SLC6A20: variants seen among roughly 807,000 people sequenced by gnomAD.
SLC6A20 encodes the protein sodium- and chloride-dependent transporter XTRP3.
Under a neutral mutation model 64.3 loss-of-function variants are expected in SLC6A20, and 73 were observed. The observed-to-expected ratio is 1.14, with a 90% confidence interval of 0.94 to 1.38. The LOEUF is 1.38. SLC6A20 is among the 40% of genes most tolerant of loss of function. The probability of loss-of-function intolerance (pLI) is 0.00; values close to 1 mark genes in which losing one functional copy is unlikely to be tolerated. For synonymous variants in SLC6A20, 347 were observed against 329.6 expected, an observed-to-expected ratio of 1.05 and a Z score of -0.57; for missense variants, 725 against 772.8, an observed-to-expected ratio of 0.94 and a Z score of 0.73.
In SLC6A20 at chr3:45,772,491, G is replaced by A. The variant is rs376754527; in HGVS notation, c.693+14C>T. On this transcript the variant is annotated intron_variant, in intron 5 of 10. Transcript: ENST00000358525. ...TGAGGGGTGCCCGTAGGGCCCTTCC[G>A]CTTCAGCCCGTACCTTGGGAGTGAA... The A allele has an allele frequency of 1.7e-4, 272 of 1,604,612 alleles. No individual in the cohort carries two copies. The highest frequency in any genetic ancestry group is 1.1e-4 in the Non-Finnish European group (129 of 1,175,668).
chr3:45,789,028 A>G (rs1259153410), intron 1 of SLC6A20, among the ~76,000 whole-genome samples: 1 of 152,232 alleles, frequency 6.6e-6, no homozygotes, highest in Non-Finnish European at 1.5e-5. Flanking sequence ...GAGTAAAATA[A>G]TCATCATAAT....
At chr3:45,768,544 G>A (rs1045633627) in intron 7 of SLC6A20, among the ~76,000 whole-genome samples, 2 of 152,350 alleles carry the variant, frequency 1.3e-5, no homozygotes, top group Middle Eastern at 3.4e-3. Flanking sequence ...GCTGGGGTTT[G>A]TGGGCTGGGG....
intron 1 of SLC6A20, among the ~76,000 whole-genome samples, chr3:45,787,789 T>A (rs1167320435): frequency 1.3e-5 from 2 of 152,222 alleles, no homozygotes; most frequent in Non-Finnish European, 2.9e-5. Flanking sequence ...TGGCTCATAG[T>A]TGATCTCTAG....
chr3:45,795,026 C>A (rs1003017711), intron 1 of SLC6A20, among the ~76,000 whole-genome samples: 1 of 152,140 alleles, frequency 6.6e-6, no homozygotes, highest in African/African-American at 2.4e-5. Flanking sequence ...AGCTCTTGGT[C>A]TTCTCAAATG....
chr3:45,779,593 G>C (rs1700033974), intron 3 of SLC6A20, among the ~76,000 whole-genome samples: 1 of 152,196 alleles, frequency 6.6e-6, no homozygotes, highest in African/African-American at 2.4e-5. Flanking sequence ...GGGAGAAGGG[G>C]ACGGGGAGGA....
intron 9 of SLC6A20, among the ~76,000 whole-genome samples, chr3:45,760,403 C>T (rs1211168563): frequency 5.3e-5 from 8 of 152,332 alleles, no homozygotes; most frequent in East Asian, 1.9e-4. Context: ...ACTTCTTGGG[C>T]GGCTTTGCCC....
In SLC6A20 at chr3:45,770,206, T is replaced by TA. The variant is rs1699836592; in HGVS notation, c.1098+2dup. 14 of 1,614,072 alleles carry TA rather than the reference T, an allele frequency of 8.7e-6. No individual in the cohort carries two copies. Among genetic ancestry groups the TA allele is most frequent in the Admixed American group, 1.7e-5 (1 of 60,014 alleles). On this transcript the variant is annotated splice_region_variant and intron_variant, in intron 7 of 10. Coordinates refer to ENST00000358525, the MANE Select transcript of SLC6A20 (RefSeq NM_020208.4). ...AGTCCTTGACCTTGCCTGGGCATCT[T>TA]ACCGTGTCTAGCTCCGATTCCAAGC...
Position 45,758,743 on chromosome 3 carries a change from C to G in SLC6A20, c.*235G>C. The G allele has an allele frequency of 1.5e-6, 2 of 1,300,120 alleles. No homozygotes were observed. Among genetic ancestry groups the G allele is most frequent in the Non-Finnish European group, 2.0e-6 (2 of 1,025,556 alleles). The allele number at this position is 1,300,120 out of a possible 1,614,324, so 80.5% of individuals were successfully genotyped here. A position where few individuals can be genotyped will look rare whatever the true frequency, so the allele number is the denominator to read the frequency against. On this transcript the variant is annotated 3_prime_UTR_variant, in exon 11 of 11. Transcript: ENST00000358525. Reference sequence around the variant, plus strand: ...TGCAGTTATCTTTGAGACCGGCTTTCATAGCCCACCCCCTTCCATGATGAG... The same window carrying G: ...TGCAGTTATCTTTGAGACCGGCTTTGATAGCCCACCCCCTTCCATGATGAG...
chr3:45,758,955 TG>T lies in SLC6A20; in HGVS notation c.*22del. Reference sequence around the variant, plus strand: ...CCTGTAAATAGTATCTGTAAAACCGTGAGCGGCTGGGAAGCCCACATCTCAG... The same window carrying T: ...CCTGTAAATAGTATCTGTAAAACCGTAGCGGCTGGGAAGCCCACATCTCAG... On this transcript the variant is annotated 3_prime_UTR_variant, in exon 11 of 11. Transcript: ENST00000358525. 6.3e-7 allele frequency: 1 copy of T among 1,582,358 alleles called. No homozygotes were observed. The highest frequency in any genetic ancestry group is 8.6e-7 in the Non-Finnish European group (1 of 1,164,612).
At chr3:45,787,988 C>A (rs1700196790) in intron 1 of SLC6A20, among the ~76,000 whole-genome samples, 1 of 152,154 alleles carries the variant, frequency 6.6e-6, no homozygotes, top group Admixed American at 6.5e-5. Flanking sequence ...CTCTGTTGCC[C>A]AGGCTGGAGT....
chr3:45,770,285 G>T lies in SLC6A20; in HGVS notation c.1022C>A (p.Ala341Glu). 6.2e-7 allele frequency: 1 copy of T among 1,614,190 alleles called. No individual in the cohort carries two copies. The highest frequency in any genetic ancestry group is 8.5e-7 in the Non-Finnish European group (1 of 1,180,042). The change falls in exon 7 of 11, where the codon GCA (alanine) becomes GAA (glutamate). Residue 341 changes from alanine to glutamate, a missense_variant. Transcript: ENST00000358525. Reference protein sequence around the residue: ...SNLEQVKGYLASAYPSKYSEM... With the variant: ...SNLEQVKGYLESAYPSKYSEM... ...GCTGTATTTGCTTGGGTAGGCAGAT[G>T]CGAGGTAGCCCTTCACCTGCTCCAG...
intron 1 of SLC6A20, among the ~76,000 whole-genome samples, chr3:45,794,897 G>T (rs911282115): frequency 6.6e-6 from 1 of 152,154 alleles, no homozygotes; most frequent in Non-Finnish European, 1.5e-5. Context: ...CATCATTATG[G>T]TGTATTTATG....
intron 3 of SLC6A20, among the ~76,000 whole-genome samples, chr3:45,778,705 T>C (rs1013359084): frequency 3.3e-5 from 5 of 152,214 alleles, no homozygotes; most frequent in Non-Finnish European, 5.9e-5. Context: ...GGCAGTACTG[T>C]TGTGCAGTGC....
intron 2 of SLC6A20, among the ~76,000 whole-genome samples, chr3:45,781,784 C>T (rs759226437): frequency 1.3e-5 from 2 of 152,172 alleles, no homozygotes; most frequent in Non-Finnish European, 2.9e-5. Flanking sequence ...CTTGGAGTTA[C>T]AGCTGTTTCC....
At position 45,756,771 on chromosome 3, in the gene SLC6A20, TAAAAAA is replaced by T. The variant is rs530275150; in HGVS notation, c.*2201_*2206del. The T allele has an allele frequency of 2.0e-5, 3 of 152,026 alleles. No individual in the cohort carries two copies. Among genetic ancestry groups the T allele is most frequent in the African/African-American group, 7.3e-5 (3 of 41,374 alleles). 9.4% of individuals were successfully genotyped at this position (152,026 alleles called of 1,614,324 possible). A position where few individuals can be genotyped will look rare whatever the true frequency, so the allele number is the denominator to read the frequency against. On this transcript the variant is annotated 3_prime_UTR_variant, in exon 11 of 11. Transcript: ENST00000358525. ...GGGTAACGACCTACTTTATTGCAGT[TAAAAAA>T]AGAAAAATTTTTTTGAGAAAAGAAA... is the stretch of plus-strand genomic sequence containing the variant.
chr3:45,796,519 G>A lies in SLC6A20; in HGVS notation c.-100C>T. The A allele has an allele frequency of 8.0e-7, 1 of 1,244,538 alleles. No homozygotes were observed. The highest frequency in any genetic ancestry group is 1.0e-6 in the Non-Finnish European group (1 of 959,702). 77.1% of individuals were successfully genotyped at this position (1,244,538 alleles called of 1,614,324 possible). ...GCCGTCCCACCCCGGCTCGGCTTGG[G>A]GGTGGCCCCGCGCCTCCGCCGCCGA... On this transcript the variant is annotated 5_prime_UTR_variant, in exon 1 of 11. Coordinates refer to ENST00000358525, the MANE Select transcript of SLC6A20 (RefSeq NM_020208.4).
chr3:45,759,856 C>G lies in SLC6A20; in HGVS notation c.1629+1G>C. 6.2e-7 allele frequency: 1 copy of G among 1,612,258 alleles called. No homozygotes were observed. Among genetic ancestry groups the G allele is most frequent in the African/African-American group, 1.3e-5 (1 of 74,978 alleles). Reference sequence around the variant, plus strand: ...GCCAGCCCTACGGAGACAGTAGATACCTGGGAGGCGTCCCAGGCTTGATAC... The same window carrying G: ...GCCAGCCCTACGGAGACAGTAGATAGCTGGGAGGCGTCCCAGGCTTGATAC... On this transcript the variant is annotated splice_donor_variant, in intron 10 of 10. Transcript: ENST00000358525. LOFTEE classifies it high-confidence loss of function.
intron 4 of SLC6A20, among the ~76,000 whole-genome samples, chr3:45,773,660 G>A (rs905104946): frequency 1.3e-5 from 2 of 151,512 alleles, no homozygotes; most frequent in Non-Finnish European, 2.9e-5. Flanking sequence ...AAATATGGCT[G>A]GTGGCCTATG....
At chr3:45,774,540 T>C (rs1699932656) in intron 4 of SLC6A20, among the ~76,000 whole-genome samples, 1 of 152,188 alleles carries the variant, frequency 6.6e-6, no homozygotes, top group Non-Finnish European at 1.5e-5. Flanking sequence ...CAGGGGACTT[T>C]GGGGGCTAAG....
Sources: allele counts gnomAD v4.1 joint callset (sites outside exome capture counted in the v4.1 genomes callset), GRCh38; gene constraint gnomAD v4.1.1; transcripts MANE v1.5; gene names NCBI Gene and HGNC (gene_info 2026-07-23, HGNC 2026-07-21).